The following TNNI3K variants were observed in gnomAD, a reference collection of about 807,000 sequenced individuals.
The protein encoded by TNNI3K is TNNI3 interacting kinase.
In TNNI3K, 140 loss-of-function variants were observed where a neutral mutation model predicts 114.5. The ratio of observed to expected loss-of-function variants is 1.22; its 90% CI spans 1.07 to 1.41. TNNI3K has a LOEUF of 1.41. Among genes scored for constraint, TNNI3K ranks in the 40% most tolerant of loss-of-function variants. The pLI is 0.00. For synonymous variants in TNNI3K, 347 were observed against 347.5 expected (o/e 1.00, Z 0.02); for missense variants, 1,125 against 1,007.6 (o/e 1.12, Z -1.58).
intron 2 of TNNI3K, among the ~76,000 whole-genome samples, chr1:74,244,076 C>T (rs1054983683): frequency 6.6e-6 from 1 of 151,992 alleles, no homozygotes; most frequent in Non-Finnish European, 1.5e-5. Flanking sequence ...TTACATGTTT[C>T]AAAACAGAAA....
intron 21 of TNNI3K, among the ~76,000 whole-genome samples, chr1:74,481,864 A>G (rs776914674): frequency 6.6e-6 from 1 of 152,214 alleles, no homozygotes; most frequent in African/African-American, 2.4e-5. Context: ...TGGGAGGTCT[A>G]TAGGTGATAT....
chr1:74,440,630 T>G (rs1666336670), intron 20 of TNNI3K, among the ~76,000 whole-genome samples: 1 of 152,126 alleles, frequency 6.6e-6, no homozygotes, highest in South Asian at 2.1e-4. Context: ...AGCAGAGTGC[T>G]TTTCACAGGT....
intron 2 of TNNI3K, among the ~76,000 whole-genome samples, chr1:74,247,662 A>AG (rs1436811134): frequency 5.3e-5 from 8 of 152,158 alleles, no homozygotes; most frequent in Non-Finnish European, 1.2e-4. Flanking sequence ...ACAATCCTCT[A>AG]GCTAGACATA....
chr1:74,483,485 C>T (rs1668602254), intron 21 of TNNI3K: 11 of 555,000 alleles, frequency 2.0e-5, no homozygotes, highest in Non-Finnish European at 3.3e-6. Context: ...GTTCAATGAG[C>T]ATCTTGGTGT....
chr1:74,403,452 A>C (rs1035388843), intron 17 of TNNI3K, among the ~76,000 whole-genome samples: 1 of 152,140 alleles, frequency 6.6e-6, no homozygotes, highest in African/African-American at 2.4e-5. Context: ...GTTACTGCCA[A>C]ACTTTCAGTA....
Position 74,294,618 on chromosome 1 carries a change from C to G in TNNI3K, c.444+22910C>G, listed in dbSNP as rs553449203. Among the ~76,000 whole-genome samples, 166 of 152,126 alleles carry G rather than the reference C, an allele frequency of 1.1e-3. 1 individual carries two copies. The highest frequency in any genetic ancestry group is 1.4e-3 in the Non-Finnish European group (92 of 67,904). On this transcript the variant is annotated intron_variant, in intron 5 of 24. Coordinates refer to ENST00000326637, the MANE Select transcript of TNNI3K (RefSeq NM_015978.3). The stretch of plus-strand genomic sequence containing the variant: ...AAATGTTTTCACTTCTTCCTATGTT[C>G]ATTTTTTAAAGTTGTGATTTCCAAG...
At chr1:74,457,752 G>A (rs1667285944) in intron 20 of TNNI3K, among the ~76,000 whole-genome samples, 1 of 152,086 alleles carries the variant, frequency 6.6e-6, no homozygotes, top group Admixed American at 6.6e-5. Flanking sequence ...GGTTACTTTA[G>A]GGATTGAGAA....
chr1:74,432,168 T>G (rs1405721923), intron 17 of TNNI3K, among the ~76,000 whole-genome samples: 1 of 152,098 alleles, frequency 6.6e-6, no homozygotes, highest in Non-Finnish European at 1.5e-5. Context: ...TTCCTTGACC[T>G]CAAAGGTAAG....
rs369060318 is a variant in TNNI3K, at chr1:74,368,013, A to AT, written c.1321+51dup. ...TTATATTTAATTACTAAGGATAACT[A>AT]TTGCTTCAAATGTAATTTTCAATTT... On this transcript the variant is annotated intron_variant, in intron 13 of 24. Transcript: ENST00000326637. The AT allele has an allele frequency of 2.3e-5, 34 of 1,477,834 alleles. No individual in the cohort carries two copies. The African/African-American group carries it at 2.8e-4, about 12-fold the overall frequency. The allele number at this position is 1,477,834 out of a possible 1,614,324, so 91.5% of individuals were successfully genotyped here.
chr1:74,472,175 T>G (rs1667969345), intron 21 of TNNI3K: 1 of 714,666 alleles, frequency 1.4e-6, no homozygotes, highest in African/African-American at 1.7e-5. Context: ...GTTGCATATC[T>G]TCTTCTAAAT....
intron 23 of TNNI3K, among the ~76,000 whole-genome samples, chr1:74,508,446 C>T (rs571638722): frequency 6.6e-6 from 1 of 152,142 alleles, no homozygotes; most frequent in South Asian, 2.1e-4. Flanking sequence ...ATAAAGTCCC[C>T]AAAATACAAG....
intron 5 of TNNI3K, among the ~76,000 whole-genome samples, chr1:74,316,166 T>G (rs1659292220): frequency 6.6e-6 from 1 of 152,198 alleles, no homozygotes; most frequent in African/African-American, 2.4e-5. Context: ...ACCAAGCTTA[T>G]GGTCTAGTGA....
At chr1:74,396,029 G>A (rs1431180502) in intron 17 of TNNI3K, among the ~76,000 whole-genome samples, 3 of 152,144 alleles carry the variant, frequency 2.0e-5, no homozygotes, top group African/African-American at 7.2e-5. Flanking sequence ...TATGCTCTTT[G>A]TTGGATTAGT....
chr1:74,382,401 T>C (rs557144901), intron 17 of TNNI3K, among the ~76,000 whole-genome samples: 1 of 152,346 alleles, frequency 6.6e-6, no homozygotes, highest in African/African-American at 2.4e-5. Context: ...GATATTTGTA[T>C]ACAATGTATA....
At chr1:74,481,603 C>T (rs1302449364) in intron 21 of TNNI3K, among the ~76,000 whole-genome samples, 1 of 152,188 alleles carries the variant, frequency 6.6e-6, no homozygotes, top group African/African-American at 2.4e-5. Context: ...CCATCTTGGC[C>T]TCCTGTCTAA....
intron 17 of TNNI3K, among the ~76,000 whole-genome samples, chr1:74,383,706 A>T (rs1261468807): frequency 6.6e-6 from 1 of 152,144 alleles, no homozygotes; most frequent in African/African-American, 2.4e-5. Flanking sequence ...GGGGCCTAAT[A>T]AAAATTCAAT....
intron 4 of TNNI3K, among the ~76,000 whole-genome samples, chr1:74,256,617 CATT>C (rs1655330456): frequency 2.6e-5 from 4 of 151,854 alleles, no homozygotes; most frequent in African/African-American, 9.7e-5. Context: ...AAGGTTTTTG[CATT>C]ATTTTTAAAC....
chr1:74,281,156 T>G (rs894235694), intron 5 of TNNI3K, among the ~76,000 whole-genome samples: 2 of 152,044 alleles, frequency 1.3e-5, no homozygotes, highest in Non-Finnish European at 2.9e-5. Flanking sequence ...CCTCAGGCCT[T>G]GAATAAACAT....
In TNNI3K at chr1:74,492,102, G is replaced by A. The variant is rs1372831124; in HGVS notation, c.2187G>A (p.Met729Ile). 1 of 1,583,568 alleles carries A rather than the reference G, an allele frequency of 6.3e-7. No individual in the cohort carries two copies. The highest frequency in any genetic ancestry group is 8.6e-7 in the Non-Finnish European group (1 of 1,159,106). ...ATTGCCCCTCCTCCACTCAGCTGAT[G>A]TCTCCTGCATCAAGTAACAGCAGTG... ...LEECLCNIELMSPASSNSSGS... is the reference protein window; with the variant it reads ...LEECLCNIELISPASSNSSGS... Residue 729 changes from methionine to isoleucine, a missense_variant, in exon 23 of 25, where the codon ATG becomes ATA. Physicochemically the swap from Met to Ile is conservative, Grantham distance 10. Coordinates refer to ENST00000326637, the MANE Select transcript of TNNI3K (RefSeq NM_015978.3).
Sources: gnomAD v4.1 joint callset for allele counts (sites outside exome capture counted in the v4.1 genomes callset) on GRCh38, gnomAD v4.1.1 for gene constraint, MANE v1.5 for transcripts, NCBI Gene and HGNC (gene_info 2026-07-23, HGNC 2026-07-21) for gene names.